MEI1: variants seen among roughly 807,000 people sequenced by gnomAD.
MEI1 encodes the protein meiotic double-stranded break formation protein 1.
MEI1 carries 103 observed loss-of-function variants against 146.2 expected under a neutral mutation model. The ratio of observed to expected loss-of-function variants is 0.70; its 90% confidence interval spans 0.60 to 0.83. The LOEUF is 0.83. Ranked by LOEUF, MEI1 falls within the 40% of genes least tolerant of loss-of-function variation. The pLI, the probability that MEI1 is intolerant of heterozygous loss-of-function variation, is 0.00. For synonymous variants in MEI1, 652 were observed against 628.2 expected (o/e 1.04, Z -0.57); for missense variants, 1,529 against 1,533.0 (o/e 1.00, Z 0.04).
intron 3 of MEI1, among the ~76,000 whole-genome samples, chr22:41,713,054 C>T (rs2069745646): frequency 6.6e-6 from 1 of 152,028 alleles, no homozygotes; most frequent in South Asian, 2.1e-4. Flanking sequence ...CGTGATCCGC[C>T]CATCTCGGCC....
chr22:41,762,304 CCCTCCCTTCA>C (rs938984438), intron 18 of MEI1, among the ~76,000 whole-genome samples: 1 of 150,842 alleles, frequency 6.6e-6, no homozygotes, highest in Non-Finnish European at 1.5e-5. Flanking sequence ...CTTTTCCCTC[CCCTCCCTTCA>C]CCTCCCTTCC....
chr22:41,761,361 C>A (rs1742643647), intron 18 of MEI1, among the ~76,000 whole-genome samples: 1 of 145,878 alleles, frequency 6.9e-6, no homozygotes, highest in South Asian at 2.2e-4. Flanking sequence ...GTCGCCCAGG[C>A]TGGAGTGCAG....
intron 11 of MEI1, among the ~76,000 whole-genome samples, chr22:41,740,043 G>A (rs1168287705): frequency 6.6e-6 from 1 of 151,580 alleles, no homozygotes; most frequent in Non-Finnish European, 1.5e-5. Flanking sequence ...TGGGGGGGGT[G>A]GAGTCTCGCT....
At chr22:41,706,727 A>C (rs867840261) in intron 3 of MEI1, among the ~76,000 whole-genome samples, 8 of 151,946 alleles carry the variant, frequency 5.3e-5, no homozygotes, top group Non-Finnish European at 8.8e-5. Context: ...AAAAAAAAAA[A>C]ACAAAAATTG....
At chr22:41,723,827 C>A in intron 6 of MEI1, 116 bp from the exon 7 acceptor site, 1 of 1,290,538 alleles carries the variant, frequency 7.7e-7, no homozygotes, top group Non-Finnish European at 1.1e-6. Flanking sequence ...TCTAACCATT[C>A]TTCATATTTG....
At chr22:41,789,956 G>A (rs1381469744) in intron 26 of MEI1, among the ~76,000 whole-genome samples, 3 of 152,146 alleles carry the variant, frequency 2.0e-5, no homozygotes, top group Admixed American at 1.3e-4. Context: ...TCACACTCTC[G>A]AGAAATTTCC....
intron 18 of MEI1, among the ~76,000 whole-genome samples, chr22:41,762,957 CCTAA>C (rs962384006): frequency 2.6e-4 from 40 of 152,240 alleles, no homozygotes; most frequent in African/African-American, 9.4e-4. Context: ...GTATTTGGCC[CCTAA>C]CTGAGCCTTG....
chr22:41,758,902 G>A (rs1157615369), intron 18 of MEI1, among the ~76,000 whole-genome samples: 1 of 152,200 alleles, frequency 6.6e-6, no homozygotes, highest in East Asian at 1.9e-4. Context: ...CAATGCTTTG[G>A]GAGGCCAAGG....
intron 1 of MEI1, 141 bp from the exon 2 acceptor site, chr22:41,703,190 T>A: frequency 1.2e-6 from 1 of 859,838 alleles, no homozygotes; most frequent in East Asian, 2.7e-5. Flanking sequence ...TTTTCCAACC[T>A]CCCTTGAAGG....
intron 26 of MEI1, among the ~76,000 whole-genome samples, chr22:41,785,784 G>A (rs2075950151): frequency 1.3e-5 from 2 of 149,088 alleles, no homozygotes; most frequent in African/African-American, 2.5e-5. Flanking sequence ...GGCTGGTCTC[G>A]AACTCCTGAC....
At chr22:41,788,612 T>A (rs979267331) in intron 26 of MEI1, among the ~76,000 whole-genome samples, 1 of 151,718 alleles carries the variant, frequency 6.6e-6, no homozygotes, top group Admixed American at 6.6e-5. Flanking sequence ...GGCTAATTTT[T>A]GTATTTTTAG....
Position 41,743,100 on chromosome 22 carries a change from C to T in MEI1, c.1352C>T (p.Pro451Leu), listed in dbSNP as rs1267003796. 3 of 1,612,596 alleles carry T rather than the reference C, an allele frequency of 1.9e-6. No homozygotes were observed. The highest frequency in any genetic ancestry group is 1.1e-5 in the South Asian group (1 of 90,990). Reference sequence around the variant, plus strand: ...TGCAGGAAGGACCATCAGAGCACTCCACCTGTGCAGTATGGGGAACTGCAG... The same window carrying T: ...TGCAGGAAGGACCATCAGAGCACTCTACCTGTGCAGTATGGGGAACTGCAG... ...AFLRKDHQST[P>L]PVQYGELQAL... Residue 451 changes from proline (P) to leucine (L), a missense_variant, in exon 12 of 31, where the codon CCA becomes CTA. Around this residue, in one of 3 missense-constraint regions of MEI1, gnomAD observed 1,212 missense variants for 1,178.9 expected, o/e 1.03. Transcript: ENST00000401548.
At chr22:41,787,679 T>G (rs748291755) in intron 26 of MEI1, among the ~76,000 whole-genome samples, 21 of 152,306 alleles carry the variant, frequency 1.4e-4, no homozygotes, top group Non-Finnish European at 2.8e-4. Flanking sequence ...AGCGCTGATG[T>G]TCCTGTTTTA....
At chr22:41,703,230 C>T (rs2068844789) in intron 1 of MEI1, 101 bp from the exon 2 acceptor site, 1 of 1,292,016 alleles carries the variant, frequency 7.7e-7, no homozygotes, top group East Asian at 2.5e-5. Flanking sequence ...TTTAAATGAT[C>T]CCTTGTATCA....
intron 15 of MEI1, among the ~76,000 whole-genome samples, chr22:41,748,537 A>T (rs1380931978): frequency 6.6e-6 from 1 of 152,162 alleles, no homozygotes; most frequent in Non-Finnish European, 1.5e-5. Context: ...ATTAAAGAAA[A>T]ATTAGCTGAG....
intron 5 of MEI1, among the ~76,000 whole-genome samples, chr22:41,716,715 A>G (rs1601701511): frequency 3.9e-5 from 4 of 101,282 alleles, no homozygotes; most frequent in East Asian, 3.0e-4. Flanking sequence ...CCCTGAGACG[A>G]GTCTTGCTCT....
At chr22:41,737,787 GCT>G (rs1023679800) in intron 11 of MEI1, among the ~76,000 whole-genome samples, 4 of 152,132 alleles carry the variant, frequency 2.6e-5, no homozygotes, top group Admixed American at 1.3e-4. Flanking sequence ...TTTTTTCACT[GCT>G]CTGTCTCTGG....
At position 41,784,647 on chromosome 22, in the gene MEI1, G is replaced by C. The variant is rs780823838; in HGVS notation, c.3209G>C (p.Ser1070Thr). ...TTCCTGCGGACAGCCCTGCGACAAA[G>C]CTTTTCCTCTGCCCTGGTAGCCCTG... ...LCFLRTALRQ[S>T]FSSALVALVP... The change falls in exon 26 of 31, where the codon AGC becomes ACC. Residue 1070 changes from serine to threonine, a missense_variant. Around this residue, in one of 3 missense-constraint regions of MEI1, gnomAD observed 313 missense variants for 337.3 expected, o/e 0.93. Coordinates refer to ENST00000401548, the MANE Select transcript of MEI1 (RefSeq NM_152513.4). The C allele has an allele frequency of 6.2e-6, 10 of 1,613,490 alleles. No homozygotes were observed. In the South Asian group the frequency reaches 1.1e-4, roughly 18 times the overall value.
chr22:41,748,062 G>T (rs773539300), intron 14 of MEI1, 45 bp from the exon 15 acceptor site: 7 of 1,347,620 alleles, frequency 5.2e-6, no homozygotes, highest in Non-Finnish European at 6.4e-6. Flanking sequence ...TTTCTTCAGA[G>T]GCTCAGTCCC....
Sources: gnomAD v4.1 joint callset for allele counts (sites outside exome capture counted in the v4.1 genomes callset) on GRCh38, gnomAD v4.1.1 for gene constraint, gnomAD v4.1.1 regional missense constraint, MANE v1.5 for transcripts, NCBI Gene and HGNC (gene_info 2026-07-23, HGNC 2026-07-21) for gene names.